The following MAGI2 variants were observed in gnomAD, a reference collection of about 807,000 sequenced individuals.
MAGI2 encodes the protein membrane associated guanylate kinase, WW and PDZ domain containing 2, also known as membrane-associated guanylate kinase, WW and PDZ domain-containing protein 2.
A neutral mutation model predicts 133.3 loss-of-function variants in MAGI2; 35 were observed. The ratio of observed to expected loss-of-function variants is 0.26; its 90% CI spans 0.20 to 0.35. The LOEUF (loss-of-function observed/expected upper bound fraction) is 0.35, where lower values mean the gene tolerates loss of function less well. Among genes scored for constraint, MAGI2 ranks in the 10% least tolerant of loss-of-function variants. MAGI2 has a pLI of 1.00. For missense variants in MAGI2, 1,636 were observed against 1,863.4 expected (o/e 0.88, Z 2.25); for synonymous variants, 729 against 710.6 (o/e 1.03, Z -0.41).
intron 3 of MAGI2, among the ~76,000 whole-genome samples, chr7:78,530,762 T>C (rs755908255): frequency 1.1e-4 from 16 of 152,282 alleles, no homozygotes; most frequent in African/African-American, 3.6e-4. Flanking sequence ...ATATGATATG[T>C]GTCCCATTTC....
intron 1 of MAGI2, among the ~76,000 whole-genome samples, chr7:79,430,134 G>T (rs1847675871): frequency 6.6e-6 from 1 of 151,998 alleles, no homozygotes; most frequent in Non-Finnish European, 1.5e-5. Context: ...ATTAGTATTT[G>T]CTAAATAGGA....
intron 21 of MAGI2, among the ~76,000 whole-genome samples, chr7:78,073,461 T>G (rs1174405701): frequency 1.3e-5 from 2 of 152,068 alleles, no homozygotes; most frequent in African/African-American, 2.4e-5. Flanking sequence ...GTTCTATTCA[T>G]AAAGCCCTGC....
At chr7:78,533,911 C>T (rs533106314) in intron 3 of MAGI2, among the ~76,000 whole-genome samples, 156 of 152,216 alleles carry the variant, frequency 1.0e-3, no homozygotes, top group Middle Eastern at 6.8e-3. Context: ...GAAACTCAAT[C>T]AGAAAGAGTA....
chr7:78,380,819 C>T (rs1181009776), intron 6 of MAGI2, among the ~76,000 whole-genome samples: 5 of 152,090 alleles, frequency 3.3e-5, no homozygotes, highest in East Asian at 3.9e-4. Context: ...ATGCATTGCA[C>T]GCCGATATTA....
chr7:79,271,953 A>T (rs1482748271), intron 1 of MAGI2, among the ~76,000 whole-genome samples: 1 of 152,124 alleles, frequency 6.6e-6, no homozygotes, highest in Non-Finnish European at 1.5e-5. Context: ...GCTTTTTTGG[A>T]CATTTTAATG....
intron 7 of MAGI2, among the ~76,000 whole-genome samples, chr7:78,350,778 G>A (rs761735804): frequency 1.2e-4 from 19 of 152,102 alleles, no homozygotes; most frequent in Non-Finnish European, 2.6e-4. Flanking sequence ...CTTAAATACT[G>A]AGCCCATCAG....
intron 4 of MAGI2, among the ~76,000 whole-genome samples, chr7:78,509,701 T>C (rs62468560): frequency 0.08 from 12,190 of 152,240 alleles, 614 homozygotes; most frequent in Non-Finnish European, 0.12. Context: ...TAGAATGTCA[T>C]GGTTTTCAAC....
chr7:79,107,591 C>T (rs1818553236), intron 1 of MAGI2, among the ~76,000 whole-genome samples: 1 of 152,214 alleles, frequency 6.6e-6, no homozygotes, highest in South Asian at 2.1e-4. Flanking sequence ...ACAGTGGCAA[C>T]AGAAGACTAA....
At chr7:78,440,543 T>A (rs1787513022) in intron 6 of MAGI2, among the ~76,000 whole-genome samples, 1 of 152,278 alleles carries the variant, frequency 6.6e-6, no homozygotes, top group Admixed American at 6.5e-5. Context: ...ACAGACCTGA[T>A]GCCTAGCTTC....
chr7:78,604,084 C>T (rs1336592553), intron 3 of MAGI2, among the ~76,000 whole-genome samples: 1 of 152,068 alleles, frequency 6.6e-6, no homozygotes, highest in East Asian at 1.9e-4. Context: ...TTATGAGATT[C>T]CCTGGCAGCA....
intron 1 of MAGI2, among the ~76,000 whole-genome samples, chr7:79,321,128 T>A (rs891512325): frequency 2.0e-5 from 3 of 152,152 alleles, no homozygotes; most frequent in Non-Finnish European, 4.4e-5. Flanking sequence ...TTACTAAAGC[T>A]GTTCATTTAT....
chr7:78,218,172 T>C (rs1483299750), intron 10 of MAGI2, among the ~76,000 whole-genome samples: 1 of 152,236 alleles, frequency 6.6e-6, no homozygotes, highest in Admixed American at 6.5e-5. Flanking sequence ...GAAGTTCTCC[T>C]GGGCTGCCAG....
intron 2 of MAGI2, among the ~76,000 whole-genome samples, chr7:78,638,997 T>C (rs1262525139): frequency 2.0e-5 from 3 of 152,186 alleles, no homozygotes; most frequent in Non-Finnish European, 4.4e-5. Context: ...AGTCTCCTCA[T>C]GTAAAATTAA....
At chr7:79,002,079 A>G (rs2116466153) in intron 2 of MAGI2, among the ~76,000 whole-genome samples, 1 of 151,734 alleles carries the variant, frequency 6.6e-6, no homozygotes. Flanking sequence ...AATCTTATAT[A>G]GCCTGAAATC....
At position 79,182,392 on chromosome 7, in the gene MAGI2, T is replaced by C. The variant is rs532067997; in HGVS notation, c.302-175186A>G. 2.6e-5 allele frequency among the ~76,000 whole-genome samples: 4 copies of C among 152,044 alleles called. No individual in the cohort carries two copies. In the South Asian group the frequency reaches 8.3e-4, roughly 32 times the overall value. The stretch of plus-strand genomic sequence containing the variant: ...GCCTGTACAGAGAAACTTCCCTTTT[T>C]AAAACCATCAGATCTTGCAAGACTT... On this transcript the variant is annotated intron_variant, in intron 1 of 21. Transcript: ENST00000354212.
At chr7:78,794,036 T>C (rs1044030530) in intron 2 of MAGI2, among the ~76,000 whole-genome samples, 6 of 152,234 alleles carry the variant, frequency 3.9e-5, no homozygotes, top group Admixed American at 6.5e-5. Context: ...AGATGGTACT[T>C]GCATCTGAAA....
intron 6 of MAGI2, among the ~76,000 whole-genome samples, chr7:78,404,775 T>C (rs747866407): frequency 1.3e-5 from 2 of 152,114 alleles, no homozygotes; most frequent in Non-Finnish European, 2.9e-5. Flanking sequence ...ACTTCATGTC[T>C]AAAATACCTA....
chr7:79,185,227 C>A (rs1288323328), intron 1 of MAGI2, among the ~76,000 whole-genome samples: 2 of 151,792 alleles, frequency 1.3e-5, no homozygotes, highest in Non-Finnish European at 2.9e-5. Context: ...GAAAAATAAT[C>A]CAAACTCCAT....
chr7:78,522,667 ACTGCATG>A (rs1294789687), intron 3 of MAGI2, among the ~76,000 whole-genome samples: 1 of 152,232 alleles, frequency 6.6e-6, no homozygotes, highest in Non-Finnish European at 1.5e-5. Flanking sequence ...GGCATGAGCC[ACTGCATG>A]CGGCTGTGAA....
Sources: gnomAD v4.1 joint callset for allele counts (sites outside exome capture counted in the v4.1 genomes callset) on GRCh38, gnomAD v4.1.1 for gene constraint, MANE v1.5 for transcripts, NCBI Gene and HGNC (gene_info 2026-07-23, HGNC 2026-07-21) for gene names.